Variants in EFHC1 observed in about 807,000 individuals in gnomAD.
EFHC1 encodes EF-hand domain containing 1, also known as EF-hand domain-containing protein 1.
A neutral mutation model predicts 69.9 loss-of-function variants in EFHC1; 53 were observed. The ratio of observed to expected loss-of-function variants is 0.76; its 90% CI spans 0.61 to 0.95. EFHC1 has a LOEUF of 0.95. EFHC1 is among the 40% of genes least tolerant of loss of function. EFHC1 has a pLI of 0.00. For missense variants in EFHC1, 739 were observed against 798.7 expected, an observed-to-expected ratio of 0.93 and a Z score of 0.90; for synonymous variants, 256 against 278.4, an observed-to-expected ratio of 0.92 and a Z score of 0.80.
intron 10 of EFHC1, among the ~76,000 whole-genome samples, chr6:52,491,635 C>T (rs769222850): frequency 1.3e-5 from 2 of 152,188 alleles, no homozygotes. Context: ...ACTACTGTTA[C>T]TACTTGAGAC....
At chr6:52,453,744 C>T (rs565446521) in intron 4 of EFHC1, 1 of 1,241,600 alleles carries the variant, frequency 8.1e-7, no homozygotes, top group Non-Finnish European at 1.0e-6. Flanking sequence ...AAACCATATT[C>T]ACATGTACCT....
At chr6:52,478,917 T>C (rs1765602934) in intron 7 of EFHC1, 120 bp from the exon 8 acceptor site, 1 of 935,108 alleles carries the variant, frequency 1.1e-6, no homozygotes, top group East Asian at 2.5e-5. Context: ...GGTTTGTTTA[T>C]ATTGTAAAAA....
chr6:52,479,102 G>T lies in EFHC1; in HGVS notation c.1344G>T (p.Met448Ile). Residue 448 changes from methionine (M) to isoleucine (I), a missense_variant, in exon 8 of 11, where the codon ATG (methionine) becomes ATT (isoleucine). Coordinates refer to ENST00000371068, the MANE Select transcript of EFHC1 (RefSeq NM_018100.4). Reference sequence around the variant, plus strand: ...TCTCTTACTTTCTAGCTACCGACATGATCAGTATCTTTGAGCCTCCTGTTC... The same window carrying T: ...TCTCTTACTTTCTAGCTACCGACATTATCAGTATCTTTGAGCCTCCTGTTC... ...FVFSYFLATD[M>I]ISIFEPPVRN... 6.2e-7 allele frequency: 1 copy of T among 1,614,110 alleles called. No individual in the cohort carries two copies. Among genetic ancestry groups the T allele is most frequent in the Non-Finnish European group, 8.5e-7 (1 of 1,179,992 alleles).
chr6:52,450,777 G>C (rs1398896140), intron 3 of EFHC1, among the ~76,000 whole-genome samples: 1 of 151,730 alleles, frequency 6.6e-6, no homozygotes, highest in Non-Finnish European at 1.5e-5. Context: ...TCTGCATTGT[G>C]GTTTTTTTGT....
chr6:52,479,322 T>A (rs951139877), intron 8 of EFHC1, 72 bp downstream of exon 8: 15 of 1,518,450 alleles, frequency 9.9e-6, no homozygotes, highest in Non-Finnish European at 1.4e-5. Context: ...TTAATTCATT[T>A]AACCCTGTAA....
At chr6:52,461,081 T>C (rs2114003458) in intron 5 of EFHC1, among the ~76,000 whole-genome samples, 1 of 152,304 alleles carries the variant, frequency 6.6e-6, no homozygotes, top group East Asian at 1.9e-4. Flanking sequence ...AAAATTTTTT[T>C]TTAACTTTTA....
In EFHC1 at chr6:52,493,653, C is replaced by CT. The variant is rs1478383411; in HGVS notation, c.*1313dup. ...CCTGGGTGACAGAGCAAGACTCCAT[C>CT]TCAAAAAAAAAAAGGTTAGAAAAAT... On this transcript the variant is annotated 3_prime_UTR_variant, in exon 11 of 11. Coordinates refer to ENST00000371068, the MANE Select transcript of EFHC1 (RefSeq NM_018100.4). 2.2e-6 allele frequency: 1 copy of CT among 444,466 alleles called. No homozygotes were observed. Among genetic ancestry groups the CT allele is most frequent in the Admixed American group, 2.4e-5 (1 of 41,640 alleles). 27.5% of individuals were successfully genotyped at this position (444,466 alleles called of 1,614,324 possible). A position where few individuals can be genotyped will look rare whatever the true frequency, so the allele number is the denominator to read the frequency against.
Position 52,469,250 on chromosome 6 carries a change from T to C in EFHC1, c.1138-83T>C, listed in dbSNP as rs1369311800. On this transcript the variant is annotated intron_variant, in intron 6 of 10. Coordinates refer to ENST00000371068, the MANE Select transcript of EFHC1 (RefSeq NM_018100.4). ...TTTGCATAAGTATTTTCTAGAGTTTTTTCTTTAAACTTATAGTTACCTTTA... is the reference window on the plus strand; with the variant it reads ...TTTGCATAAGTATTTTCTAGAGTTTCTTCTTTAAACTTATAGTTACCTTTA... 7.8e-6 allele frequency: 12 copies of C among 1,547,644 alleles called. No individual in the cohort carries two copies. The Admixed American group carries it at 2.2e-4, about 28-fold the overall frequency.
chr6:52,454,348 A>G, intron 5 of EFHC1, 61 bp downstream of exon 5: 1 of 1,604,718 alleles, frequency 6.2e-7, no homozygotes, highest in Non-Finnish European at 8.5e-7. Context: ...TAAAGGAGTT[A>G]CTTAATCAGT....
Position 52,426,315 on chromosome 6 carries a change from A to G in EFHC1, c.285+2148A>G, listed in dbSNP as rs544949487. 7.2e-5 allele frequency among the ~76,000 whole-genome samples: 11 copies of G among 152,290 alleles called. No homozygotes were observed. The East Asian group carries it at 1.7e-3, about 24-fold the overall frequency. The stretch of plus-strand genomic sequence containing the variant: ...GCATTGTCTTTGGCTTGTTTATGCC[A>G]TCTGACACTGTTGACCCTTCCTCCC... On this transcript the variant is annotated intron_variant, in intron 2 of 10. Transcript: ENST00000371068.
chr6:52,454,072 T>TCA (rs769875075), intron 4 of EFHC1, 23 bp from the exon 5 acceptor site: 9 of 1,612,172 alleles, frequency 5.6e-6, no homozygotes, highest in Non-Finnish European at 7.6e-6. Context: ...GATTCTTGAG[T>TCA]CACTACTTTG....
chr6:52,469,351 G>A lies in EFHC1; in HGVS notation c.1156G>A (p.Gly386Ser), dbSNP rs777529248. 4 of 1,613,820 alleles carry A rather than the reference G, an allele frequency of 2.5e-6. No homozygotes were observed. The highest frequency in any genetic ancestry group is 1.7e-5 in the Admixed American group (1 of 60,010). The stretch of plus-strand genomic sequence containing the variant: ...TCTCCAGGAGTTGCCTCCTTATAAC[G>A]GTTTTGGACTAGTGGAAGATTCTGC... ...PVKQELPPYN[G>S]FGLVEDSAQN... The change falls in exon 7 of 11, where the codon GGT (glycine) becomes AGT (serine). Residue 386 changes from glycine to serine, a missense_variant. Coordinates refer to ENST00000371068, the MANE Select transcript of EFHC1 (RefSeq NM_018100.4).
rs1375011060 is a variant in EFHC1, at chr6:52,449,375, C to T, written c.574-3313C>T. Among the ~76,000 whole-genome samples the T allele has an allele frequency of 7.9e-5, 11 of 138,936 alleles. No homozygotes were observed. In the East Asian group the frequency reaches 1.4e-3, roughly 18 times the overall value. 91.1% of individuals were successfully genotyped at this position (138,936 alleles called of 152,430 possible). ...CAGTCTGGGCGACAGAGCAAGACTC[C>T]ATCTCAAAAAAAAAAAAAAAAATAG... On this transcript the variant is annotated intron_variant, in intron 3 of 10. Coordinates refer to ENST00000371068, the MANE Select transcript of EFHC1 (RefSeq NM_018100.4).
intron 3 of EFHC1, among the ~76,000 whole-genome samples, chr6:52,443,560 C>G (rs1379200999): frequency 6.6e-6 from 1 of 152,136 alleles, no homozygotes; most frequent in Non-Finnish European, 1.5e-5. Flanking sequence ...TTCCCCATTG[C>G]TTGTTTTTCT....
chr6:52,447,457 A>G (rs552136862), intron 3 of EFHC1, among the ~76,000 whole-genome samples: 4 of 152,236 alleles, frequency 2.6e-5, no homozygotes, highest in African/African-American at 4.8e-5. Flanking sequence ...CTAGTTAGCC[A>G]TTCGTCTAAT....
chr6:52,438,382 A>T lies in EFHC1; in HGVS notation c.364A>T (p.Ile122Phe). 1.2e-6 allele frequency: 2 copies of T among 1,613,952 alleles called. No individual in the cohort carries two copies. The highest frequency in any genetic ancestry group is 1.7e-6 in the Non-Finnish European group (2 of 1,179,972). Residue 122 changes from isoleucine to phenylalanine, a missense_variant, in exon 3 of 11, where the codon ATT becomes TTT. Coordinates refer to ENST00000371068, the MANE Select transcript of EFHC1 (RefSeq NM_018100.4). ...ACAGTATAGGATCCGTCAGGTGAAC[A>T]TTTACTATTATCTAGAAGATGACAG... ...EEQYRIRQVN[I>F]YYYLEDDSMS...
chr6:52,423,959 A>C lies in EFHC1; in HGVS notation c.77A>C (p.His26Pro), dbSNP rs548766587. Residue 26 changes from histidine (H) to proline (P), a missense_variant, in exon 2 of 11, where the codon CAC (histidine) becomes CCC (proline). His to Pro is a moderately conservative substitution (Grantham distance 77, BLOSUM62 -2). Coordinates refer to ENST00000371068, the MANE Select transcript of EFHC1 (RefSeq NM_018100.4). ...SFKDSTKTAF[H>P]RSQTLSYRNG... ...TTTCTTCTTCAGAAAACAGCCTTCC[A>C]CAGAAGTCAGACGCTGAGCTACAGG... The C allele has an allele frequency of 2.5e-6, 4 of 1,614,028 alleles. No individual in the cohort carries two copies. Among genetic ancestry groups the C allele is most frequent in the East Asian group, 4.5e-5 (2 of 44,878 alleles).
intron 9 of EFHC1, chr6:52,480,062 G>A (rs1765641783): frequency 1.6e-6 from 1 of 606,288 alleles, no homozygotes; most frequent in Admixed American, 3.0e-5. Flanking sequence ...TATAACTTTT[G>A]ACACCCCAAA....
chr6:52,434,134 CCTT>C (rs1486470948), intron 2 of EFHC1, among the ~76,000 whole-genome samples: 1 of 152,194 alleles, frequency 6.6e-6, no homozygotes, highest in Admixed American at 6.5e-5. Context: ...GTGGGGCTTT[CCTT>C]CTTCCCCCAC....
Sources: allele counts gnomAD v4.1 joint callset (sites outside exome capture counted in the v4.1 genomes callset), GRCh38; gene constraint gnomAD v4.1.1; transcripts MANE v1.5; gene names NCBI Gene and HGNC (gene_info 2026-07-23, HGNC 2026-07-21).